RPS6KC1: variants seen among roughly 807,000 people sequenced by gnomAD.
RPS6KC1 encodes the protein inactive ribosomal protein S6 kinase delta-1.
In RPS6KC1, 54 loss-of-function variants were observed where a neutral mutation model predicts 103.8. That is an observed-to-expected ratio of 0.52 (90% confidence interval 0.42 to 0.65). The LOEUF (loss-of-function observed/expected upper bound fraction) is 0.65. Among genes scored for constraint, RPS6KC1 ranks in the 30% least tolerant of loss-of-function variants. The pLI, the probability that RPS6KC1 is intolerant of heterozygous loss-of-function variation, is 0.00. For missense variants in RPS6KC1, 1,151 were observed against 1,253.8 expected, an observed-to-expected ratio of 0.92 and a Z score of 1.24; for synonymous variants, 439 against 438.7, an observed-to-expected ratio of 1.00 and a Z score of -0.01.
chr1:213,492,662 C>T, the RPS6KC1 span: 1,410 of 152,326 alleles, frequency 9.3e-3, 8 homozygotes, highest in Non-Finnish European at 0.013. Flanking sequence ...GCATCGTCAC[C>T]GATAGAGAAA....
At chr1:213,698,423 T>C in the RPS6KC1 span, among the ~76,000 whole-genome samples, 1 of 152,232 alleles carries the variant, frequency 6.6e-6, no homozygotes, top group Non-Finnish European at 1.5e-5. Flanking sequence ...AGTCACACTT[T>C]CTTTTCCTGA....
At chr1:213,631,909 C>G in the RPS6KC1 span, among the ~76,000 whole-genome samples, 1 of 152,012 alleles carries the variant, frequency 6.6e-6, no homozygotes, top group Admixed American at 6.6e-5. Flanking sequence ...ACAGTTGGGA[C>G]TCTCTCTCCC....
At chr1:213,302,147 C>G in the RPS6KC1 span, among the ~76,000 whole-genome samples, 3 of 152,342 alleles carry the variant, frequency 2.0e-5, no homozygotes, top group East Asian at 5.8e-4. Flanking sequence ...TTATTCCCCT[C>G]AGAGTTAACC....
the RPS6KC1 span, among the ~76,000 whole-genome samples, chr1:213,433,093 T>A: frequency 6.6e-6 from 1 of 152,214 alleles, no homozygotes; most frequent in Non-Finnish European, 1.5e-5. Flanking sequence ...AGGACTGAGT[T>A]CCTTTCTAGA....
At chr1:213,413,961 C>T in the RPS6KC1 span, among the ~76,000 whole-genome samples, 1 of 152,204 alleles carries the variant, frequency 6.6e-6, no homozygotes, top group Non-Finnish European at 1.5e-5. Flanking sequence ...GCCTGGCTGA[C>T]TCCGAGGATA....
At chr1:213,785,863 C>A in the RPS6KC1 span, among the ~76,000 whole-genome samples, 76 of 152,144 alleles carry the variant, frequency 5.0e-4, no homozygotes, top group African/African-American at 1.7e-3. Context: ...AGCCATCATC[C>A]CACTGTGTGC....
At chr1:213,498,898 G>A in the RPS6KC1 span, among the ~76,000 whole-genome samples, 1 of 151,144 alleles carries the variant, frequency 6.6e-6, no homozygotes. Context: ...TCCTGCCTCA[G>A]CCTCCCAAGT....
chr1:213,832,941 T>C, the RPS6KC1 span, among the ~76,000 whole-genome samples: 4,838 of 152,124 alleles, frequency 0.032, 269 homozygotes, highest in African/African-American at 0.11. Context: ...AGCTGCAGCC[T>C]GACAGAATAG....
chr1:213,254,625 T>C (rs1314747937), intron 12 of RPS6KC1, among the ~76,000 whole-genome samples: 2 of 152,214 alleles, frequency 1.3e-5, no homozygotes, highest in Non-Finnish European at 2.9e-5. Flanking sequence ...GCTGTTCTCA[T>C]TTTCAGAGAA....
At chr1:213,757,888 T>C in the RPS6KC1 span, among the ~76,000 whole-genome samples, 1 of 152,202 alleles carries the variant, frequency 6.6e-6, no homozygotes, top group Non-Finnish European at 1.5e-5. Flanking sequence ...TTAAGAATGA[T>C]GCTAAATATA....
intron 5 of RPS6KC1, among the ~76,000 whole-genome samples, chr1:213,123,424 C>A (rs1159062395): frequency 1.3e-5 from 2 of 151,452 alleles, no homozygotes; most frequent in African/African-American, 4.8e-5. Flanking sequence ...TTTACCAAAT[C>A]TGTACGAGGT....
the RPS6KC1 span, among the ~76,000 whole-genome samples, chr1:213,696,345 C>CA: frequency 4.6e-5 from 7 of 151,560 alleles, no homozygotes; most frequent in African/African-American, 1.7e-4. Flanking sequence ...ACTAAAAACA[C>CA]AAAAAAATTA....
At chr1:213,186,202 T>C (rs923398203) in intron 8 of RPS6KC1, among the ~76,000 whole-genome samples, 1 of 152,018 alleles carries the variant, frequency 6.6e-6, no homozygotes, top group Non-Finnish European at 1.5e-5. Context: ...CTTTTTTTTT[T>C]TAAACCTTTT....
At chr1:213,745,866 G>A in the RPS6KC1 span, among the ~76,000 whole-genome samples, 6 of 152,158 alleles carry the variant, frequency 3.9e-5, no homozygotes, top group South Asian at 6.2e-4. Context: ...ACAAGGAGAG[G>A]GGTATGCGGA....
At chr1:213,839,568 C>T in the RPS6KC1 span, among the ~76,000 whole-genome samples, 13 of 152,134 alleles carry the variant, frequency 8.5e-5, no homozygotes, top group African/African-American at 3.1e-4. Context: ...GCCTGTCTAC[C>T]TCTCCTCGCC....
the RPS6KC1 span, among the ~76,000 whole-genome samples, chr1:213,781,044 A>G: frequency 6.6e-6 from 1 of 152,100 alleles, no homozygotes; most frequent in African/African-American, 2.4e-5. Flanking sequence ...CAAACAACAA[A>G]CAAACAAAAA....
chr1:213,662,157 T>C, the RPS6KC1 span, among the ~76,000 whole-genome samples: 3 of 152,212 alleles, frequency 2.0e-5, no homozygotes, highest in African/African-American at 7.2e-5. Flanking sequence ...AATAGTTTCA[T>C]AGATGTGTGA....
the RPS6KC1 span, among the ~76,000 whole-genome samples, chr1:213,576,703 C>T: frequency 1.4e-4 from 21 of 152,286 alleles, no homozygotes; most frequent in African/African-American, 5.1e-4. Flanking sequence ...CAATTAACAA[C>T]CCCACAGTGG....
At chr1:213,458,377 C>CG in the RPS6KC1 span, among the ~76,000 whole-genome samples, 119,205 of 150,762 alleles carry the variant, frequency 0.79, 47,093 homozygotes, top group East Asian at 0.98. Context: ...AAACGTAACA[C>CG]TTTTTTTTTA....
Sources: gnomAD v4.1 joint callset for allele counts (sites outside exome capture counted in the v4.1 genomes callset) on GRCh38, gnomAD v4.1.1 for gene constraint, MANE v1.5 for transcripts, NCBI Gene and HGNC (gene_info 2026-07-23, HGNC 2026-07-21) for gene names.